Variants in CALN1 observed in about 807,000 individuals in gnomAD.
CALN1 encodes the protein calneuron 1, also known as calcium-binding protein 8.
CALN1 carries 17 observed loss-of-function variants against 30.6 expected under a neutral mutation model. The observed-to-expected ratio is 0.56, with a 90% confidence interval of 0.38 to 0.83. CALN1 has a LOEUF of 0.83. Ranked by LOEUF, CALN1 falls within the 40% of genes least tolerant of loss-of-function variation. The probability of loss-of-function intolerance (pLI) is 0.00; values close to 1 mark genes in which losing one functional copy is unlikely to be tolerated. For synonymous variants in CALN1, 156 were observed against 131.4 expected, an observed-to-expected ratio of 1.19 and a Z score of -1.28; for missense variants, 291 against 354.9, an observed-to-expected ratio of 0.82 and a Z score of 1.45.
At chr7:71,866,253 C>T (rs113518702) in intron 5 of CALN1, among the ~76,000 whole-genome samples, 4 of 151,974 alleles carry the variant, frequency 2.6e-5, no homozygotes, top group Non-Finnish European at 4.4e-5. Flanking sequence ...GTGATCCACC[C>T]GCCTCAGCCT....
At chr7:72,199,803 A>G (rs573669) in intron 3 of CALN1, among the ~76,000 whole-genome samples, 1 of 152,006 alleles carries the variant, frequency 6.6e-6, no homozygotes, top group Admixed American at 6.6e-5. Flanking sequence ...TTGCACCACT[A>G]TACTCCAGCC....
chr7:71,812,107 C>T (rs1787993683), intron 5 of CALN1, among the ~76,000 whole-genome samples: 1 of 152,056 alleles, frequency 6.6e-6, no homozygotes, highest in Non-Finnish European at 1.5e-5. Context: ...AATTACATGC[C>T]CCAGATAGAG....
intron 4 of CALN1, among the ~76,000 whole-genome samples, chr7:72,078,494 G>A (rs1034857726): frequency 5.3e-5 from 8 of 152,130 alleles, no homozygotes; most frequent in Non-Finnish European, 1.2e-4. Flanking sequence ...AAATGCCCAT[G>A]AAAATCCATA....
intron 5 of CALN1, among the ~76,000 whole-genome samples, chr7:71,892,374 C>A (rs887464450): frequency 6.6e-6 from 1 of 152,156 alleles, no homozygotes; most frequent in Non-Finnish European, 1.5e-5. Flanking sequence ...CAGTGGCTCA[C>A]GCCTGTAATC....
intron 2 of CALN1, among the ~76,000 whole-genome samples, chr7:72,388,379 A>C (rs946575787): frequency 1.3e-5 from 2 of 152,020 alleles, no homozygotes; most frequent in African/African-American, 4.8e-5. Flanking sequence ...CAAAAAAAAC[A>C]AACAAAAAAG....
At chr7:72,395,988 T>C (rs958362014) in intron 2 of CALN1, among the ~76,000 whole-genome samples, 5 of 152,020 alleles carry the variant, frequency 3.3e-5, no homozygotes, top group Non-Finnish European at 4.4e-5. Context: ...GAGCTAAATT[T>C]TGAACTGGCC....
chr7:71,939,042 C>G (rs981264361), intron 5 of CALN1, among the ~76,000 whole-genome samples: 1 of 151,986 alleles, frequency 6.6e-6, no homozygotes, highest in East Asian at 1.9e-4. Context: ...AAACAAGACA[C>G]AAGGAAACCA....
chr7:72,082,072 T>C (rs892343458), intron 4 of CALN1, among the ~76,000 whole-genome samples: 3 of 151,942 alleles, frequency 2.0e-5, no homozygotes, highest in Admixed American at 6.6e-5. Flanking sequence ...CTGCAACCTC[T>C]GCCTCCTGGG....
intron 4 of CALN1, among the ~76,000 whole-genome samples, chr7:72,092,966 C>A (rs1381055155): frequency 6.6e-6 from 1 of 152,126 alleles, no homozygotes; most frequent in Admixed American, 6.5e-5. Context: ...GACACACAGT[C>A]TGAGTGACAG....
At chr7:72,042,278 G>A (rs897682157) in intron 4 of CALN1, among the ~76,000 whole-genome samples, 1 of 152,148 alleles carries the variant, frequency 6.6e-6, no homozygotes, top group African/African-American at 2.4e-5. Context: ...GTCCTCCCAA[G>A]ACTGAGCATA....
At chr7:72,355,257 G>A (rs1463939126) in intron 2 of CALN1, among the ~76,000 whole-genome samples, 1 of 152,186 alleles carries the variant, frequency 6.6e-6, no homozygotes, top group Non-Finnish European at 1.5e-5. Context: ...CGGCCGCTGT[G>A]GCTAACACCT....
chr7:71,843,531 G>A (rs948655740), intron 5 of CALN1, among the ~76,000 whole-genome samples: 1 of 152,118 alleles, frequency 6.6e-6, no homozygotes, highest in African/African-American at 2.4e-5. Context: ...GCTGCAGCAG[G>A]AGGATTGCTT....
At chr7:71,939,177 C>T (rs1228746166) in intron 5 of CALN1, among the ~76,000 whole-genome samples, 1 of 152,062 alleles carries the variant, frequency 6.6e-6, no homozygotes, top group African/African-American at 2.4e-5. Flanking sequence ...AATACTAGGT[C>T]ATATCTTTTG....
At chr7:72,021,916 A>G (rs997459577) in intron 5 of CALN1, among the ~76,000 whole-genome samples, 1 of 151,856 alleles carries the variant, frequency 6.6e-6, no homozygotes, top group African/African-American at 2.4e-5. Flanking sequence ...CCATGATCTG[A>G]CCCCTGCCAA....
chr7:72,227,832 A>G (rs929489606), intron 3 of CALN1, among the ~76,000 whole-genome samples: 1 of 152,086 alleles, frequency 6.6e-6, no homozygotes. Flanking sequence ...ATCATTATGA[A>G]GATGAGAAGT....
At chr7:72,168,573 C>G (rs1585080553) in intron 3 of CALN1, among the ~76,000 whole-genome samples, 1 of 152,262 alleles carries the variant, frequency 6.6e-6, no homozygotes, top group East Asian at 1.9e-4. Context: ...ACCCATCTGT[C>G]TCTTCCAATA....
At chr7:72,402,259 G>C (rs1806392770) in intron 2 of CALN1, among the ~76,000 whole-genome samples, 1 of 152,194 alleles carries the variant, frequency 6.6e-6, no homozygotes, top group South Asian at 2.1e-4. Context: ...ATTCTGAACA[G>C]AGTCTTGTAG....
chr7:71,955,182 C>T (rs780811644), intron 5 of CALN1, among the ~76,000 whole-genome samples: 42 of 151,912 alleles, frequency 2.8e-4, no homozygotes, highest in Non-Finnish European at 5.3e-4. Context: ...GAGAACCAAG[C>T]GAAACGGAAA....
chr7:72,170,679 T>G (rs563977143), intron 3 of CALN1, among the ~76,000 whole-genome samples: 4 of 152,212 alleles, frequency 2.6e-5, no homozygotes, highest in Non-Finnish European at 5.9e-5. Flanking sequence ...AGGTCATCTG[T>G]CATTGTCATG....
Sources: allele counts gnomAD v4.1 joint callset (sites outside exome capture counted in the v4.1 genomes callset), GRCh38; gene constraint gnomAD v4.1.1; transcripts MANE v1.5; gene names NCBI Gene and HGNC (gene_info 2026-07-23, HGNC 2026-07-21).